The following EYA1 variants were observed in gnomAD, a reference collection of about 807,000 sequenced individuals.
EYA1 encodes the protein protein phosphatase EYA1.
EYA1 carries 16 observed loss-of-function variants against 82.0 expected under a neutral mutation model. That is an observed-to-expected ratio of 0.20 (90% CI 0.13 to 0.30). The LOEUF (loss-of-function observed/expected upper bound fraction) is 0.30, where lower values mean the gene tolerates loss of function less well. EYA1 is among the 10% of genes least tolerant of loss of function. The pLI is 1.00. For synonymous variants in EYA1, 261 were observed against 264.4 expected, an observed-to-expected ratio of 0.99 and a Z score of 0.12; for missense variants, 633 against 730.7, an observed-to-expected ratio of 0.87 and a Z score of 1.54.
chr8:71,250,098 T>C (rs1331102816), intron 11 of EYA1, among the ~76,000 whole-genome samples: 7 of 152,090 alleles, frequency 4.6e-5, no homozygotes, highest in African/African-American at 1.7e-4. Flanking sequence ...TCTCCTTCAC[T>C]GGGGTCTATT....
intron 2 of EYA1, among the ~76,000 whole-genome samples, chr8:71,451,403 A>T (rs1459968978): frequency 2.0e-5 from 3 of 152,250 alleles, no homozygotes; most frequent in South Asian, 2.1e-4. Context: ...AATATCATAC[A>T]GTAAATAAAG....
chr8:71,294,807 T>C (rs906474991), intron 9 of EYA1, among the ~76,000 whole-genome samples: 1 of 152,050 alleles, frequency 6.6e-6, no homozygotes, highest in African/African-American at 2.4e-5. Flanking sequence ...AAGAAAAAAG[T>C]TGGAAGACAG....
intron 2 of EYA1, among the ~76,000 whole-genome samples, chr8:71,519,427 A>T (rs2129267770): frequency 6.6e-6 from 1 of 152,242 alleles, no homozygotes; most frequent in African/African-American, 2.4e-5. Context: ...TCTTTTTTAA[A>T]ATATTAAGAA....
chr8:71,262,261 C>T (rs761579940), intron 11 of EYA1, among the ~76,000 whole-genome samples: 2 of 152,198 alleles, frequency 1.3e-5, no homozygotes, highest in African/African-American at 2.4e-5. Flanking sequence ...TGATCCAACA[C>T]ATTTTCTGCT....
At position 71,317,680 on chromosome 8, in the gene EYA1, C is replaced by A. The variant is rs727504494; in HGVS notation, c.428G>T (p.Trp143Leu). 4 of 1,614,060 alleles carry A rather than the reference C, an allele frequency of 2.5e-6. No individual in the cohort carries two copies. In the South Asian group the frequency reaches 4.4e-5, roughly 18 times the overall value. The change falls in exon 7 of 18, where the codon TGG (tryptophan) becomes TTG (leucine). Residue 143 changes from tryptophan to leucine, a missense_variant. Physicochemically the swap from Trp to Leu is moderately conservative, Grantham distance 61. Transcript: ENST00000340726. ...PYGISSYGAL[W>L]AGIKTEGGLS... ...TCCACCTTCAGTCTTGATGCCTGCC[C>A]ACAATGCACCTAAATCAGTTAGTGA...
chr8:71,239,559 CAGT>C (rs1812230853), intron 12 of EYA1, among the ~76,000 whole-genome samples: 1 of 152,110 alleles, frequency 6.6e-6, no homozygotes, highest in South Asian at 2.1e-4. Context: ...CCAAGTATAC[CAGT>C]CTGTGTACAG....
intron 17 of EYA1, among the ~76,000 whole-genome samples, chr8:71,209,591 C>T (rs1808256147): frequency 6.6e-6 from 1 of 152,198 alleles, no homozygotes; most frequent in South Asian, 2.1e-4. Context: ...AGGCCATCTT[C>T]AGAGCCTGTA....
chr8:71,537,587 TG>T (rs1814801448), intron 1 of EYA1, among the ~76,000 whole-genome samples: 1 of 152,194 alleles, frequency 6.6e-6, no homozygotes, highest in South Asian at 2.1e-4. Context: ...TCACACAAAT[TG>T]CCCACAGTGT....
At chr8:71,544,862 A>C (rs1815425344) in intron 1 of EYA1, among the ~76,000 whole-genome samples, 1 of 152,184 alleles carries the variant, frequency 6.6e-6, no homozygotes, top group African/African-American at 2.4e-5. Context: ...ATTTCTGTGA[A>C]ATTCTCATCT....
intron 16 of EYA1, among the ~76,000 whole-genome samples, chr8:71,213,905 C>T (rs1366257818): frequency 6.6e-6 from 1 of 152,146 alleles, no homozygotes; most frequent in East Asian, 1.9e-4. Context: ...TTTATTGATA[C>T]CTACTGTGTG....
chr8:71,542,559 A>C (rs1313811828), intron 1 of EYA1, among the ~76,000 whole-genome samples: 1 of 152,210 alleles, frequency 6.6e-6, no homozygotes, highest in African/African-American at 2.4e-5. Flanking sequence ...AACGATTTAC[A>C]TTCTCTTGGG....
chr8:71,470,299 C>A (rs1044131449), intron 2 of EYA1, among the ~76,000 whole-genome samples: 2 of 152,058 alleles, frequency 1.3e-5, no homozygotes, highest in African/African-American at 4.8e-5. Flanking sequence ...TTTACTTTAA[C>A]CTCTGAGGCT....
At chr8:71,457,956 A>T (rs762193508) in intron 2 of EYA1, among the ~76,000 whole-genome samples, 1 of 152,160 alleles carries the variant, frequency 6.6e-6, no homozygotes, top group Non-Finnish European at 1.5e-5. Flanking sequence ...CTCACCTTAC[A>T]TCTTAATTAC....
rs368310611 is a variant in EYA1 at position 71,489,564 on chromosome 8, G to C, written c.33+46180C>G. Among the ~76,000 whole-genome samples, 56 of 152,250 alleles carry C rather than the reference G, an allele frequency of 3.7e-4. No individual in the cohort carries two copies. In the South Asian group the frequency reaches 0.011, roughly 31 times the overall value. On this transcript the variant is annotated intron_variant, in intron 2 of 18. Coordinates refer to the EYA1 transcript ENST00000643681. ...TTTAACTGTAGTCTAAGCAACTTGG[G>C]CCTGGCCCATGTATGTTTTTGAACA...
intron 4 of EYA1, chr8:71,322,535 G>A (rs1299171956): frequency 8.7e-6 from 4 of 457,744 alleles, no homozygotes; most frequent in Non-Finnish European, 1.2e-5. Flanking sequence ...AATACCTGCT[G>A]GCATGCTGTG....
intron 2 of EYA1, among the ~76,000 whole-genome samples, chr8:71,448,415 C>G (rs1807074568): frequency 1.3e-5 from 2 of 152,156 alleles, no homozygotes; most frequent in Non-Finnish European, 2.9e-5. Flanking sequence ...GCAACTCAGT[C>G]ACATCTTGAG....
chr8:71,290,451 A>G (rs79403463), intron 9 of EYA1, among the ~76,000 whole-genome samples: 3,978 of 152,298 alleles, frequency 0.026, 191 homozygotes, highest in African/African-American at 0.091. Flanking sequence ...GGGAGGGTTA[A>G]TAAACTAATT....
chr8:71,389,368 TATTA>T (rs1174891116), intron 2 of EYA1, among the ~76,000 whole-genome samples: 4 of 152,204 alleles, frequency 2.6e-5, no homozygotes, highest in African/African-American at 7.2e-5. Flanking sequence ...TGTTCTCTTT[TATTA>T]ATTAACAACA....
chr8:71,386,355 T>C (rs1667543980), intron 2 of EYA1, among the ~76,000 whole-genome samples: 1 of 152,088 alleles, frequency 6.6e-6, no homozygotes, highest in Non-Finnish European at 1.5e-5. Flanking sequence ...TCAAAAGGGG[T>C]CATTTGCTGT....
Sources: allele counts gnomAD v4.1 joint callset (sites outside exome capture counted in the v4.1 genomes callset), GRCh38; gene constraint gnomAD v4.1.1; transcripts MANE v1.5; gene names NCBI Gene and HGNC (gene_info 2026-07-23, HGNC 2026-07-21).